Variants in PABPC4L observed in about 807,000 individuals in gnomAD.
PABPC4L encodes poly(A) binding protein cytoplasmic 4 like.
For missense variants in PABPC4L, 452 were observed against 451.4 expected (o/e 1.00, Z -0.01); for synonymous variants, 169 against 164.1 (o/e 1.03, Z -0.23).
the PABPC4L span, among the ~76,000 whole-genome samples, chr4:134,048,590 A>T: frequency 6.6e-6 from 1 of 152,154 alleles, no homozygotes; most frequent in Admixed American, 6.6e-5. Flanking sequence ...ACACTGCTGA[A>T]AATACAATTA....
the PABPC4L span, among the ~76,000 whole-genome samples, chr4:134,119,443 C>T: frequency 1.3e-5 from 2 of 151,220 alleles, no homozygotes; most frequent in Non-Finnish European, 3.0e-5. Context: ...ATAATAGTTG[C>T]CTTGAGGGTG....
the PABPC4L span, among the ~76,000 whole-genome samples, chr4:134,166,895 T>C: frequency 6.6e-6 from 1 of 152,128 alleles, no homozygotes; most frequent in Non-Finnish European, 1.5e-5. Context: ...TATATTGGAT[T>C]CTTACCTAAC....
At chr4:134,137,378 C>T in the PABPC4L span, among the ~76,000 whole-genome samples, 2 of 151,788 alleles carry the variant, frequency 1.3e-5, no homozygotes, top group African/African-American at 4.8e-5. Flanking sequence ...ACAATGAAAT[C>T]CAATGTTTAC....
At chr4:134,141,989 T>A in the PABPC4L span, among the ~76,000 whole-genome samples, 1 of 151,746 alleles carries the variant, frequency 6.6e-6, no homozygotes, top group Non-Finnish European at 1.5e-5. Flanking sequence ...ACGACTGCCT[T>A]CGTAAAAGCA....
the PABPC4L span, among the ~76,000 whole-genome samples, chr4:134,169,674 T>A: frequency 4.0e-5 from 6 of 151,772 alleles, no homozygotes; most frequent in East Asian, 3.9e-4. Context: ...GAAAAAAAAA[T>A]TCCATTTATA....
At chr4:134,162,191 C>T in the PABPC4L span, among the ~76,000 whole-genome samples, 3 of 151,896 alleles carry the variant, frequency 2.0e-5, no homozygotes, top group Non-Finnish European at 4.4e-5. Flanking sequence ...AACAAAACAA[C>T]CAGAAAAGGG....
At chr4:134,091,208 C>T in the PABPC4L span, among the ~76,000 whole-genome samples, 1 of 151,950 alleles carries the variant, frequency 6.6e-6, no homozygotes, top group Non-Finnish European at 1.5e-5. Flanking sequence ...AGTGTTTCCT[C>T]ATTTACGCTT....
chr4:134,105,999 T>C, the PABPC4L span, among the ~76,000 whole-genome samples: 1 of 151,654 alleles, frequency 6.6e-6, no homozygotes, highest in Non-Finnish European at 1.5e-5. Flanking sequence ...AGATAGTGAT[T>C]CAATTACTCT....
At chr4:134,179,124 A>C in the PABPC4L span, among the ~76,000 whole-genome samples, 2 of 152,114 alleles carry the variant, frequency 1.3e-5, no homozygotes, top group African/African-American at 4.8e-5. Context: ...AAAATGAAAG[A>C]AAAAATGTTA....
chr4:133,970,767 G>A, the PABPC4L span, among the ~76,000 whole-genome samples: 1 of 152,058 alleles, frequency 6.6e-6, no homozygotes, highest in African/African-American at 2.4e-5. Flanking sequence ...TGAGATTAGT[G>A]TCCTTATTAA....
chr4:134,008,334 G>A, the PABPC4L span, among the ~76,000 whole-genome samples: 1 of 151,920 alleles, frequency 6.6e-6, no homozygotes, highest in South Asian at 2.1e-4. Flanking sequence ...GACTTAGCCA[G>A]TGTGAATGGA....
the PABPC4L span, among the ~76,000 whole-genome samples, chr4:133,952,368 T>C: frequency 6.6e-6 from 1 of 152,126 alleles, no homozygotes; most frequent in Non-Finnish European, 1.5e-5. Flanking sequence ...CCACTTATGT[T>C]CATAGGATAT....
At chr4:134,061,272 C>A in the PABPC4L span, among the ~76,000 whole-genome samples, 4 of 151,166 alleles carry the variant, frequency 2.6e-5, no homozygotes, top group African/African-American at 7.3e-5. Flanking sequence ...TTAAAAAAAA[C>A]CATAAAAACA....
chr4:134,083,273 A>G, the PABPC4L span, among the ~76,000 whole-genome samples: 4 of 152,246 alleles, frequency 2.6e-5, no homozygotes, highest in East Asian at 7.7e-4. Context: ...ACATTTTGTT[A>G]TAAGCTGTAA....
the PABPC4L span, among the ~76,000 whole-genome samples, chr4:133,993,866 G>T: frequency 8.4e-6 from 1 of 119,120 alleles, no homozygotes; most frequent in African/African-American, 3.2e-5. Flanking sequence ...TCTAGCAGTT[G>T]CTGAAGTAGA....
the PABPC4L span, among the ~76,000 whole-genome samples, chr4:134,151,145 C>A: frequency 6.6e-6 from 1 of 151,948 alleles, no homozygotes; most frequent in South Asian, 2.1e-4. Context: ...AGGCTAGAAT[C>A]GGAAGGGAAA....
chr4:134,176,627 C>T, the PABPC4L span, among the ~76,000 whole-genome samples: 2 of 152,070 alleles, frequency 1.3e-5, no homozygotes, highest in Admixed American at 6.6e-5. Flanking sequence ...GAACACTAAC[C>T]CAACAGGCCG....
chr4:134,044,240 G>T, the PABPC4L span, among the ~76,000 whole-genome samples: 10 of 151,244 alleles, frequency 6.6e-5, no homozygotes, highest in Admixed American at 5.9e-4. Context: ...TCTATAATGA[G>T]AATTTAATAT....
rs1315573317 is a variant in PABPC4L at position 134,201,059 on chromosome 4, C to A, written c.-40G>T. On this transcript the variant is annotated 5_prime_UTR_variant, in exon 2 of 2. Coordinates refer to ENST00000421491, the MANE Select transcript of PABPC4L (RefSeq NM_001114734.2). ...CACTGTGAGTTTGTCCCCTGGAGTT[C>A]TTTGAGCAATCCCTGTGGGGGGATA... 2.4e-5 allele frequency: 37 copies of A among 1,551,416 alleles called. 1 individual carries two copies. The highest frequency in any genetic ancestry group is 3.1e-5 in the Non-Finnish European group (35 of 1,146,972).
Sources: gnomAD v4.1 joint callset for allele counts (sites outside exome capture counted in the v4.1 genomes callset) on GRCh38, gnomAD v4.1.1 for gene constraint, MANE v1.5 for transcripts, NCBI Gene and HGNC (gene_info 2026-07-23, HGNC 2026-07-21) for gene names.